Variants in OFD1 observed in about 807,000 individuals in gnomAD.
OFD1 encodes the protein centriole and centriolar satellite protein OFD1.
Under a neutral mutation model 81.4 loss-of-function variants are expected in OFD1, and 12 were observed. The observed-to-expected ratio is 0.15, with a 90% CI of 0.09 to 0.24. OFD1 has a LOEUF of 0.24. Among genes scored for constraint, OFD1 ranks in the 10% least tolerant of loss-of-function variants. The pLI is 1.00. For synonymous variants in OFD1, 256 were observed against 263.7 expected (o/e 0.97, Z 0.28); for missense variants, 685 against 733.9 (o/e 0.93, Z 0.77).
At chrX:13,761,948 A>C (rs1182362947) in intron 17 of OFD1, among the ~76,000 whole-genome samples, 1 of 96,975 alleles carries the variant, frequency 1.0e-5, no homozygotes, top group East Asian at 3.2e-4. Context: ...AAAAGGAAGG[A>C]TAAGACACAC....
Position 13,751,317 on chromosome X carries a change from TAA to T in OFD1, c.1006_1007del (p.Lys336GlufsTer3), listed in dbSNP as rs749448671. ...GCACTTAGGAGACAGGAGCAGAATA[TAA>T]AGAGTTTTGAGGAGACCTATGACCG... On this transcript the variant is annotated frameshift_variant, in exon 10 of 23. Transcript: ENST00000340096. LOFTEE classifies it high-confidence loss of function. The T allele has an allele frequency of 1.7e-6, 2 of 1,204,155 alleles. No homozygotes were observed. The highest frequency in any genetic ancestry group is 2.2e-6 in the Non-Finnish European group (2 of 889,054).
downstream of OFD1, chrX:13,772,857 C>G (rs765931805): frequency 2.5e-6 from 3 of 1,201,481 alleles, no homozygotes; most frequent in Non-Finnish European, 3.4e-6. Flanking sequence ...GTAAATACGT[C>G]GGCCGAAACA....
intron 9 of OFD1, among the ~76,000 whole-genome samples, chrX:13,750,171 A>G (rs990735131): frequency 1.8e-5 from 2 of 111,725 alleles, no homozygotes; most frequent in African/African-American, 6.5e-5. Flanking sequence ...TCACTTCTAT[A>G]GGCTTGATTT....
At chrX:13,721,185 G>A in the OFD1 span, 2 of 111,631 alleles carry the variant, frequency 1.8e-5, no homozygotes, top group Admixed American at 9.5e-5. Flanking sequence ...GTAACCCCAC[G>A]GTGTGTATTT....
At chrX:13,735,164 G>A in intron 1 of OFD1, 81 bp downstream of exon 1, 1 of 1,200,558 alleles carries the variant, frequency 8.3e-7, no homozygotes, top group Admixed American at 2.2e-5. Context: ...GCCTCTTATG[G>A]CTTCCCCGGA....
chrX:13,753,264 T>C (rs2047569675), intron 10 of OFD1, 104 bp from the exon 11 acceptor site: 1 of 1,186,316 alleles, frequency 8.4e-7, no homozygotes, highest in Non-Finnish European at 1.1e-6. Flanking sequence ...TTGTCATGTT[T>C]AGCACCCTCA....
At chrX:13,756,976 G>A (rs2047732664) in intron 13 of OFD1, among the ~76,000 whole-genome samples, 2 of 111,871 alleles carry the variant, frequency 1.8e-5, no homozygotes, top group African/African-American at 6.5e-5. Context: ...GGTTTGGCCA[G>A]TGGGGACACC....
At chrX:13,754,683 C>G (rs965569183) in intron 11 of OFD1, among the ~76,000 whole-genome samples, 1 of 112,722 alleles carries the variant, frequency 8.9e-6, no homozygotes, top group African/African-American at 3.2e-5. Context: ...GCTGGGATTA[C>G]AGGCGTGAGC....
chrX:13,741,850 A>G (rs2047118071), intron 5 of OFD1, among the ~76,000 whole-genome samples: 1 of 111,959 alleles, frequency 8.9e-6, no homozygotes, highest in African/African-American at 3.3e-5. Context: ...CAGTTGGGGC[A>G]GGGCAGAACA....
rs751465913 is a variant in OFD1 at position 13,762,370 on chromosome X, A to G, written c.2414A>G (p.Gln805Arg). 3 of 1,200,626 alleles carry G rather than the reference A, an allele frequency of 2.5e-6. No individual in the cohort carries two copies. Among genetic ancestry groups the G allele is most frequent in the Non-Finnish European group, 3.4e-6 (3 of 885,173 alleles). ...CTTTATCGAAGACAAACTGAACTTC[A>G]AGACAAAAGTGAATTTTCAGATGTG... The part of the protein sequence containing the change: ...VGLYRRQTEL[Q>R]DKSEFSDVDK... Residue 805 changes from glutamine to arginine, a missense_variant, in exon 18 of 23, where the codon CAA becomes CGA. Coordinates refer to ENST00000340096, the MANE Select transcript of OFD1 (RefSeq NM_003611.3).
At chrX:13,758,249 G>A (rs1344668299) in intron 14 of OFD1, 88 bp from the exon 15 acceptor site, 1 of 644,066 alleles carries the variant, frequency 1.6e-6, no homozygotes, top group Non-Finnish European at 2.5e-6. Context: ...AACAAAAAGA[G>A]TACAAACATG....
intron 1 of OFD1, 45 bp from the exon 2 acceptor site, chrX:13,735,203 G>T: frequency 8.4e-7 from 1 of 1,195,917 alleles, no homozygotes; most frequent in East Asian, 3.0e-5. Flanking sequence ...AGACGTTCAC[G>T]TTCCCTCTGC....
chrX:13,744,922 C>T (rs1274331436), intron 6 of OFD1, among the ~76,000 whole-genome samples: 2 of 111,827 alleles, frequency 1.8e-5, no homozygotes, highest in South Asian at 3.7e-4. Context: ...TTGAGGAAAC[C>T]GAGGTCCTCA....
chrX:13,752,953 T>C (rs981871663), intron 10 of OFD1: 3 of 904,125 alleles, frequency 3.3e-6, no homozygotes, highest in East Asian at 7.8e-5. Flanking sequence ...CAAAAGTTCT[T>C]ACCTTGGTTG....
At chrX:13,716,488 G>A in the OFD1 span, 1 of 1,201,356 alleles carries the variant, frequency 8.3e-7, no homozygotes, top group African/African-American at 1.8e-5. Context: ...TCTGGTTTGT[G>A]AGCCCAAACT....
chrX:13,715,839 T>C, the OFD1 span: 6 of 972,511 alleles, frequency 6.2e-6, no homozygotes, highest in East Asian at 2.0e-4. Context: ...TTCACCTGGC[T>C]GTGAAGACTT....
At chrX:13,761,346 C>A in intron 17 of OFD1, 135 bp downstream of exon 17, 1 of 657,406 alleles carries the variant, frequency 1.5e-6, no homozygotes, top group East Asian at 3.5e-5. Context: ...AATTTGCAAT[C>A]AGATTGCAAA....
At chrX:13,727,033 G>A in the OFD1 span, among the ~76,000 whole-genome samples, 1 of 112,051 alleles carries the variant, frequency 8.9e-6, no homozygotes, top group Non-Finnish European at 1.9e-5. Flanking sequence ...ATGGTAAAGG[G>A]ATCAATTCAA....
chrX:13,760,655 G>T lies in OFD1; in HGVS notation c.2195G>T (p.Arg732Ile). 1 of 1,211,442 alleles carries T rather than the reference G, an allele frequency of 8.3e-7. No homozygotes were observed. The highest frequency in any genetic ancestry group is 1.1e-6 in the Non-Finnish European group (1 of 895,263). Residue 732 changes from arginine (R) to isoleucine (I), a missense_variant, in exon 16 of 23, where the codon AGA becomes ATA. By Grantham distance (97) the Arg-to-Ile change is moderately conservative. Coordinates refer to ENST00000340096, the MANE Select transcript of OFD1 (RefSeq NM_003611.3). ...AGGCTCCGCGGGGGCACTTCCTCCA[G>T]ACGCCTCTCTTCCACACCCCTTCCA... ...ASRLRGGTSS[R>I]RLSSTPLPKA...
Sources: gnomAD v4.1 joint callset for allele counts (sites outside exome capture counted in the v4.1 genomes callset) on GRCh38, gnomAD v4.1.1 for gene constraint, MANE v1.5 for transcripts, NCBI Gene and HGNC (gene_info 2026-07-23, HGNC 2026-07-21) for gene names.